Variants in RELN observed in about 807,000 individuals in gnomAD.
RELN encodes the protein reelin.
A neutral mutation model predicts 427.6 loss-of-function variants in RELN; 108 were observed. The observed-to-expected ratio is 0.25, with a 90% confidence interval of 0.22 to 0.30. RELN has a LOEUF of 0.30. RELN is among the 10% of genes least tolerant of loss of function. RELN has a pLI of 1.00. For missense variants in RELN, 3,715 were observed against 4,302.8 expected (o/e 0.86, Z 3.82); for synonymous variants, 1,524 against 1,513.4 (o/e 1.01, Z -0.16).
intron 8 of RELN, among the ~76,000 whole-genome samples, chr7:103,716,771 C>T (rs1307773908): frequency 6.6e-6 from 1 of 152,104 alleles, no homozygotes; most frequent in Non-Finnish European, 1.5e-5. Flanking sequence ...AGTGAATGTG[C>T]AGAAATGGTC....
At chr7:103,666,719 C>A (rs764529415) in intron 11 of RELN, among the ~76,000 whole-genome samples, 1 of 152,100 alleles carries the variant, frequency 6.6e-6, no homozygotes, top group Non-Finnish European at 1.5e-5. Context: ...TTTCTTTTTA[C>A]ATTAATTCCT....
intron 51 of RELN, among the ~76,000 whole-genome samples, chr7:103,510,641 GA>G (rs1225790489): frequency 2.6e-5 from 4 of 151,872 alleles, no homozygotes; most frequent in African/African-American, 4.8e-5. Context: ...AAAAAAAGAT[GA>G]AAAAAAGTTT....
chr7:103,907,156 G>A (rs1795225059), intron 2 of RELN, among the ~76,000 whole-genome samples: 1 of 152,030 alleles, frequency 6.6e-6, no homozygotes, highest in South Asian at 2.1e-4. Context: ...GGTGGCTCAT[G>A]CATGTAATCC....
intron 1 of RELN, among the ~76,000 whole-genome samples, chr7:103,945,862 G>A (rs1208676407): frequency 1.3e-5 from 2 of 152,110 alleles, no homozygotes; most frequent in Admixed American, 6.6e-5. Flanking sequence ...ATTCAGTGCA[G>A]TAATATTCTG....
chr7:103,554,043 C>T (rs1830471975), intron 38 of RELN, among the ~76,000 whole-genome samples: 2 of 152,034 alleles, frequency 1.3e-5, no homozygotes, highest in South Asian at 4.1e-4. Flanking sequence ...AAAAATTAGC[C>T]AGGTGTGTTT....
intron 3 of RELN, among the ~76,000 whole-genome samples, chr7:103,806,038 T>C (rs1792590731): frequency 6.6e-6 from 1 of 152,188 alleles, no homozygotes; most frequent in African/African-American, 2.4e-5. Flanking sequence ...TTTTTACCTA[T>C]CTTGGAAAAA....
At chr7:103,487,870 G>C (rs538903086) in intron 60 of RELN, among the ~76,000 whole-genome samples, 1 of 152,156 alleles carries the variant, frequency 6.6e-6, no homozygotes, top group Non-Finnish European at 1.5e-5. Flanking sequence ...TGGGTGGGGC[G>C]TGGTGGCTCA....
At chr7:103,516,715 T>C (rs1173069707) in intron 49 of RELN, among the ~76,000 whole-genome samples, 1 of 152,208 alleles carries the variant, frequency 6.6e-6, no homozygotes, top group East Asian at 1.9e-4. Context: ...CATGAAGCCC[T>C]TTAAACTGAG....
intron 30 of RELN, 38 bp downstream of exon 30, chr7:103,574,054 T>C: frequency 6.8e-7 from 1 of 1,468,134 alleles, no homozygotes; most frequent in Non-Finnish European, 9.6e-7. Flanking sequence ...TGGTAAATAA[T>C]ATGTTTGTGA....
intron 1 of RELN, among the ~76,000 whole-genome samples, chr7:103,939,828 C>A (rs1309101391): frequency 6.6e-6 from 1 of 152,104 alleles, no homozygotes; most frequent in Non-Finnish European, 1.5e-5. Flanking sequence ...GTGAGAGATA[C>A]ATACTAATGT....
intron 3 of RELN, among the ~76,000 whole-genome samples, chr7:103,817,805 C>A (rs1459175002): frequency 1.3e-4 from 20 of 150,946 alleles, no homozygotes; most frequent in Admixed American, 1.3e-3. Flanking sequence ...ACTAGCGAGG[C>A]GTGGTGGTGC....
At chr7:103,965,534 T>A (rs984367963) in intron 1 of RELN, among the ~76,000 whole-genome samples, 2 of 152,274 alleles carry the variant, frequency 1.3e-5, no homozygotes, top group East Asian at 3.8e-4. Flanking sequence ...ATCATTTTTA[T>A]ATATTTTTAA....
At chr7:103,664,207 C>A (rs540301004) in intron 11 of RELN, among the ~76,000 whole-genome samples, 2 of 152,288 alleles carry the variant, frequency 1.3e-5, no homozygotes, top group Admixed American at 6.5e-5. Context: ...GGGGGAATGA[C>A]CATAAACTTT....
intron 1 of RELN, among the ~76,000 whole-genome samples, chr7:103,922,555 T>G (rs1563093048): frequency 6.6e-6 from 1 of 152,128 alleles, no homozygotes; most frequent in Non-Finnish European, 1.5e-5. Context: ...AAATATGGAT[T>G]GCTGGGGTGT....
intron 2 of RELN, among the ~76,000 whole-genome samples, chr7:103,886,641 T>TA (rs1423979625): frequency 6.6e-6 from 1 of 152,190 alleles, no homozygotes; most frequent in Non-Finnish European, 1.5e-5. Flanking sequence ...TAATCTTATC[T>TA]AAAAAACAGC....
At chr7:103,865,007 T>C (rs533515915) in intron 2 of RELN, among the ~76,000 whole-genome samples, 296 of 151,680 alleles carry the variant, frequency 2.0e-3, no homozygotes, top group Non-Finnish European at 3.5e-3. Flanking sequence ...GGCAGGCACC[T>C]GTAATCCCAG....
intron 6 of RELN, among the ~76,000 whole-genome samples, chr7:103,740,387 T>C (rs1443780495): frequency 3.3e-5 from 5 of 152,204 alleles, no homozygotes; most frequent in African/African-American, 9.6e-5. Flanking sequence ...AGGTCTAATG[T>C]GGGAAGGAGG....
intron 8 of RELN, among the ~76,000 whole-genome samples, chr7:103,717,881 C>T (rs1156935614): frequency 2.0e-5 from 3 of 152,092 alleles, no homozygotes; most frequent in African/African-American, 7.2e-5. Context: ...GATTTCTCCT[C>T]CTCTTGAACT....
At chr7:103,487,909 C>T (rs755412303) in intron 60 of RELN, among the ~76,000 whole-genome samples, 11 of 152,008 alleles carry the variant, frequency 7.2e-5, no homozygotes, top group East Asian at 5.8e-4. Flanking sequence ...TTTGGGAGGC[C>T]GAGGTGGGAA....
Sources: gnomAD v4.1 joint callset for allele counts (sites outside exome capture counted in the v4.1 genomes callset) on GRCh38, gnomAD v4.1.1 for gene constraint, MANE v1.5 for transcripts, NCBI Gene and HGNC (gene_info 2026-07-23, HGNC 2026-07-21) for gene names.